The following AIG1 variants were observed in gnomAD, a reference collection of about 807,000 sequenced individuals.
The protein encoded by AIG1 is androgen induced 1.
Under a neutral mutation model 31.4 loss-of-function variants are expected in AIG1, and 23 were observed. The ratio of observed to expected loss-of-function variants is 0.73; its 90% CI spans 0.53 to 1.04. The LOEUF is 1.04. Among genes scored for constraint, AIG1 ranks in the 50% least tolerant of loss-of-function variants. The probability of loss-of-function intolerance (pLI) is 0.00; values close to 1 mark genes in which losing one functional copy is unlikely to be tolerated. For missense variants in AIG1, 274 were observed against 295.0 expected, an observed-to-expected ratio of 0.93 and a Z score of 0.52; for synonymous variants, 100 against 110.5, an observed-to-expected ratio of 0.90 and a Z score of 0.60.
chr6:143,244,942 G>A (rs1394349986), intron 3 of AIG1, among the ~76,000 whole-genome samples: 1 of 152,122 alleles, frequency 6.6e-6, no homozygotes, highest in Non-Finnish European at 1.5e-5. Flanking sequence ...ACTCTAAGAA[G>A]GAAATATGCT....
chr6:143,232,121 A>G (rs2128632174), intron 3 of AIG1, among the ~76,000 whole-genome samples: 1 of 152,356 alleles, frequency 6.6e-6, no homozygotes, highest in Middle Eastern at 3.4e-3. Flanking sequence ...GTGAAGGATC[A>G]ATTGTGGGGG....
chr6:143,060,639 A>G (rs1395267116), upstream of AIG1: 1 of 457,882 alleles, frequency 2.2e-6, no homozygotes, highest in Non-Finnish European at 4.5e-6. Context: ...CGAACGCAGG[A>G]GCAGAATGAC....
At chr6:143,302,356 A>G (rs966844696) in intron 4 of AIG1, among the ~76,000 whole-genome samples, 3 of 151,758 alleles carry the variant, frequency 2.0e-5, no homozygotes, top group African/African-American at 4.8e-5. Flanking sequence ...TATATCTCCT[A>G]ATGCTATCCC....
At chr6:143,335,198 C>G (rs1489871669) in intron 5 of AIG1, 1 of 1,221,948 alleles carries the variant, frequency 8.2e-7, no homozygotes, top group Non-Finnish European at 1.1e-6. Flanking sequence ...TTCTGTTAGG[C>G]CTACATCGTG....
Position 143,333,966 on chromosome 6 carries a change from C to A in AIG1, c.679+521C>A. The A allele has an allele frequency of 8.4e-7, 1 of 1,183,518 alleles. No individual in the cohort carries two copies. Among genetic ancestry groups the A allele is most frequent in the Non-Finnish European group, 1.2e-6 (1 of 828,116 alleles). 73.3% of individuals were successfully genotyped at this position (1,183,518 alleles called of 1,614,324 possible). On this transcript the variant is annotated intron_variant, in intron 5 of 5. Coordinates refer to ENST00000357847, the MANE Select transcript of AIG1 (RefSeq NM_016108.4). This position sits in a 1 kb window ranked among gnomAD's most constrained non-coding sequence, Gnocchi z 4.6. ...CACCTTGACTCACCAGTGGCTGTCA[C>A]GGAAAGTCTGAAAGTGGCAAAGAGC...
At chr6:143,231,375 A>G (rs1389759689) in intron 3 of AIG1, among the ~76,000 whole-genome samples, 1 of 152,194 alleles carries the variant, frequency 6.6e-6, no homozygotes, top group Non-Finnish European at 1.5e-5. Context: ...CAAATAAGGT[A>G]TTATGCTAAT....
At chr6:143,100,285 C>T (rs1339343761) in intron 1 of AIG1, among the ~76,000 whole-genome samples, 3 of 152,188 alleles carry the variant, frequency 2.0e-5, no homozygotes, top group Non-Finnish European at 2.9e-5. Context: ...TCTTGGAAAA[C>T]TGTGTGGCTC....
chr6:143,073,800 G>C (rs1777501451), intron 1 of AIG1, among the ~76,000 whole-genome samples: 1 of 152,186 alleles, frequency 6.6e-6, no homozygotes, highest in Non-Finnish European at 1.5e-5. Flanking sequence ...AGAGAATTAA[G>C]TGCTAAACAC....
chr6:143,082,888 C>T (rs1778401727), intron 1 of AIG1, among the ~76,000 whole-genome samples: 1 of 152,204 alleles, frequency 6.6e-6, no homozygotes, highest in South Asian at 2.1e-4. Flanking sequence ...ACTTTAGGAC[C>T]TGAAAAGCCA....
At chr6:143,295,607 A>G (rs1287477910) in intron 4 of AIG1, among the ~76,000 whole-genome samples, 2 of 151,602 alleles carry the variant, frequency 1.3e-5, no homozygotes, top group Admixed American at 1.3e-4. Context: ...TCCCCCAGTC[A>G]TGTCTCGCAC....
chr6:143,136,612 T>C (rs545875846), intron 1 of AIG1, among the ~76,000 whole-genome samples: 3 of 152,206 alleles, frequency 2.0e-5, no homozygotes, highest in Non-Finnish European at 2.9e-5. Flanking sequence ...TGTTTTGCAC[T>C]TGTCCCGAGG....
intron 1 of AIG1, among the ~76,000 whole-genome samples, chr6:143,123,019 C>T (rs1419937218): frequency 6.6e-6 from 1 of 152,128 alleles, no homozygotes; most frequent in African/African-American, 2.4e-5. Flanking sequence ...TTCCCATTGG[C>T]ATGTCCTATA....
At chr6:143,128,332 G>C (rs1389748373) in intron 1 of AIG1, among the ~76,000 whole-genome samples, 1 of 152,172 alleles carries the variant, frequency 6.6e-6, no homozygotes, top group Non-Finnish European at 1.5e-5. Flanking sequence ...AAAAAAGATG[G>C]AGAAGGAATT....
At chr6:143,265,520 G>A (rs949565980) in intron 3 of AIG1, among the ~76,000 whole-genome samples, 2 of 151,874 alleles carry the variant, frequency 1.3e-5, no homozygotes, top group South Asian at 2.1e-4. Flanking sequence ...GCTGCCTGGC[G>A]GTCCTCAACT....
At chr6:143,213,782 G>A (rs1791789231) in intron 3 of AIG1, among the ~76,000 whole-genome samples, 1 of 152,024 alleles carries the variant, frequency 6.6e-6, no homozygotes, top group Admixed American at 6.6e-5. Context: ...CTCCCAAAGT[G>A]CTGGGATTAC....
At chr6:143,147,283 C>A (rs540651443) in intron 2 of AIG1, among the ~76,000 whole-genome samples, 1 of 152,018 alleles carries the variant, frequency 6.6e-6, no homozygotes, top group Admixed American at 6.6e-5. Flanking sequence ...GGATTCTCTG[C>A]GACTTTGTTC....
chr6:143,120,899 G>C (rs1301687866), intron 1 of AIG1, among the ~76,000 whole-genome samples: 1 of 152,172 alleles, frequency 6.6e-6, no homozygotes, highest in Non-Finnish European at 1.5e-5. Flanking sequence ...ACTGGAATGA[G>C]GGCAAGGAAC....
At chr6:143,188,934 C>G in intron 3 of AIG1, 4 of 983,830 alleles carry the variant, frequency 4.1e-6, no homozygotes, top group Non-Finnish European at 4.8e-6. Flanking sequence ...AAAGCTCAAG[C>G]CTTCCAGACT....
rs1786148071 is a variant in AIG1 at position 143,159,686 on chromosome 6, G to A, written c.298-5396G>A. On this transcript the variant is annotated intron_variant, in intron 2 of 5. Coordinates refer to ENST00000357847, the MANE Select transcript of AIG1 (RefSeq NM_016108.4). ...CTTCACTATGCGTTTCTGAATTTGA[G>A]GATATGGTTGAGGAAAATTAGTCAG... is the stretch of plus-strand genomic sequence containing the variant. Among the ~76,000 whole-genome samples the A allele has an allele frequency of 2.0e-5, 3 of 152,152 alleles. No individual in the cohort carries two copies. The South Asian group carries it at 6.2e-4, about 31-fold the overall frequency.
Sources: allele counts gnomAD v4.1 joint callset (sites outside exome capture counted in the v4.1 genomes callset), GRCh38; gene constraint gnomAD v4.1.1; non-coding constraint Gnocchi (gnomAD v3.1); transcripts MANE v1.5; gene names NCBI Gene and HGNC (gene_info 2026-07-23, HGNC 2026-07-21).